MB21D2: variants seen among roughly 807,000 people sequenced by gnomAD.
MB21D2 encodes the protein nucleotidyltransferase MB21D2.
MB21D2 carries 9 observed loss-of-function variants against 33.3 expected under a neutral mutation model. That is an observed-to-expected ratio of 0.27 (90% confidence interval 0.16 to 0.47). MB21D2 has a LOEUF of 0.47. Ranked by LOEUF, MB21D2 falls within the 20% of genes least tolerant of loss-of-function variation. The pLI, the probability that MB21D2 is intolerant of heterozygous loss-of-function variation, is 0.99. For missense variants in MB21D2, 540 were observed against 624.6 expected (o/e 0.86, Z 1.44); for synonymous variants, 241 against 236.3 (o/e 1.02, Z -0.18).
chr3:192,877,810 T>C (rs1713464718), intron 1 of MB21D2, among the ~76,000 whole-genome samples: 1 of 152,184 alleles, frequency 6.6e-6, no homozygotes, highest in African/African-American at 2.4e-5. Context: ...TACTGCAGAC[T>C]GATATATGTG....
chr3:192,801,963 T>C (rs550288743), intron 1 of MB21D2, among the ~76,000 whole-genome samples: 1 of 152,358 alleles, frequency 6.6e-6, no homozygotes. Flanking sequence ...TTAGCCAACA[T>C]TATAGTGTCA....
intron 1 of MB21D2, among the ~76,000 whole-genome samples, chr3:192,836,239 C>G (rs1474577413): frequency 1.3e-5 from 2 of 152,092 alleles, no homozygotes; most frequent in East Asian, 3.9e-4. Context: ...GAAAATGGAC[C>G]AAATGTCTTT....
At chr3:192,893,393 A>C (rs1220753037) in intron 1 of MB21D2, among the ~76,000 whole-genome samples, 2 of 152,214 alleles carry the variant, frequency 1.3e-5, no homozygotes, top group Non-Finnish European at 2.9e-5. Flanking sequence ...TTTTGATATC[A>C]GTAAGAGGCA....
At chr3:192,887,453 T>C (rs1357949170) in intron 1 of MB21D2, among the ~76,000 whole-genome samples, 1 of 152,176 alleles carries the variant, frequency 6.6e-6, no homozygotes, top group Non-Finnish European at 1.5e-5. Context: ...TACTAAACTG[T>C]ACACTTAGAA....
intron 1 of MB21D2, among the ~76,000 whole-genome samples, chr3:192,857,889 C>T (rs1712952931): frequency 6.6e-6 from 1 of 152,154 alleles, no homozygotes; most frequent in Non-Finnish European, 1.5e-5. Flanking sequence ...CTTTGAGAGG[C>T]TGAGGAGGGT....
At chr3:192,903,301 T>C (rs1452194121) in intron 1 of MB21D2, among the ~76,000 whole-genome samples, 1 of 152,232 alleles carries the variant, frequency 6.6e-6, no homozygotes, top group East Asian at 1.9e-4. Context: ...GCATTCAGGA[T>C]GATCAAGTCC....
Position 192,885,147 on chromosome 3 carries a change from G to A in MB21D2, c.211+32483C>T, listed in dbSNP as rs923171469. On this transcript the variant is annotated intron_variant, in intron 1 of 1. Coordinates refer to ENST00000392452, the MANE Select transcript of MB21D2 (RefSeq NM_178496.4). ...AAAGACAGACTTCAAGCTATCTTCA[G>A]ATACCGGATGTGACTACATTGTAAG... 5.3e-5 allele frequency among the ~76,000 whole-genome samples: 8 copies of A among 152,058 alleles called. 1 individual carries two copies. In the South Asian group the frequency reaches 1.7e-3, roughly 31 times the overall value.
At chr3:192,812,574 T>G (rs913866355) in intron 1 of MB21D2, among the ~76,000 whole-genome samples, 3 of 152,136 alleles carry the variant, frequency 2.0e-5, no homozygotes, top group African/African-American at 7.2e-5. Context: ...TTGTGAGACA[T>G]GATGAAAGAC....
intron 1 of MB21D2, among the ~76,000 whole-genome samples, chr3:192,914,825 G>C (rs1223022223): frequency 6.6e-6 from 1 of 152,098 alleles, no homozygotes; most frequent in African/African-American, 2.4e-5. Flanking sequence ...ACCCTACTTT[G>C]ATAAGACAGT....
intron 1 of MB21D2, among the ~76,000 whole-genome samples, chr3:192,810,431 G>A (rs755056491): frequency 1.7e-4 from 24 of 144,388 alleles, no homozygotes; most frequent in Non-Finnish European, 3.3e-4. Flanking sequence ...ACAAACTATC[G>A]AATTTGCTAA....
intron 1 of MB21D2, among the ~76,000 whole-genome samples, chr3:192,818,360 C>A (rs958021757): frequency 6.6e-6 from 1 of 152,140 alleles, no homozygotes; most frequent in African/African-American, 2.4e-5. Flanking sequence ...AAAATGATGT[C>A]AGCACAATTA....
At chr3:192,884,542 A>ATT (rs11296156) in intron 1 of MB21D2, among the ~76,000 whole-genome samples, 2 of 150,710 alleles carry the variant, frequency 1.3e-5, no homozygotes, top group Non-Finnish European at 3.0e-5. Flanking sequence ...AATTTTTTGT[A>ATT]TTTTTTAGTA....
intron 1 of MB21D2, among the ~76,000 whole-genome samples, chr3:192,819,599 T>C (rs2108615683): frequency 6.6e-6 from 1 of 152,182 alleles, no homozygotes; most frequent in African/African-American, 2.4e-5. Context: ...GGAGAAAGGG[T>C]TAGAAAATCA....
At chr3:192,891,616 A>T (rs1713855478) in intron 1 of MB21D2, among the ~76,000 whole-genome samples, 1 of 152,120 alleles carries the variant, frequency 6.6e-6, no homozygotes, top group African/African-American at 2.4e-5. Context: ...GTTTAACATG[A>T]TGCCTGGCAC....
chr3:192,813,192 C>G (rs1417723643), intron 1 of MB21D2, among the ~76,000 whole-genome samples: 1 of 152,088 alleles, frequency 6.6e-6, no homozygotes, highest in Non-Finnish European at 1.5e-5. Context: ...TGAGCCAAGA[C>G]TGAAAGATGC....
At chr3:192,819,449 G>A (rs1340600666) in intron 1 of MB21D2, among the ~76,000 whole-genome samples, 1 of 151,900 alleles carries the variant, frequency 6.6e-6, no homozygotes, top group Non-Finnish European at 1.5e-5. Context: ...AAGATGAAGT[G>A]CAAGGAAAGA....
In MB21D2 at chr3:192,828,639, T is replaced by C. The variant is rs1343553369; in HGVS notation, c.212-28989A>G. On this transcript the variant is annotated intron_variant, in intron 1 of 1. Transcript: ENST00000392452. The stretch of plus-strand genomic sequence containing the variant: ...ATATATATATATATATATATATATA[T>C]ATATATATATATATATATATATATT... Among the ~76,000 whole-genome samples the C allele has an allele frequency of 1.9e-3, 66 of 34,362 alleles. 10 individuals are homozygous for C. The highest frequency in any genetic ancestry group is 7.8e-3 in the East Asian group (7 of 894). 22.5% of individuals were successfully genotyped at this position (34,362 alleles called of 152,430 possible). A position where few individuals can be genotyped will look rare whatever the true frequency, so the allele number is the denominator to read the frequency against.
rs191421885 is a variant in MB21D2 at position 192,837,090 on chromosome 3, A to G, written c.212-37440T>C. Among the ~76,000 whole-genome samples the G allele has an allele frequency of 1.9e-3, 283 of 152,244 alleles. 1 individual carries two copies. Among genetic ancestry groups the G allele is most frequent in the South Asian group, 0.016 (75 of 4,822 alleles). On this transcript the variant is annotated intron_variant, in intron 1 of 1. Coordinates refer to ENST00000392452, the MANE Select transcript of MB21D2 (RefSeq NM_178496.4). Reference sequence around the variant, plus strand: ...TCAGGATTATGACATTGAAGAACTAAAAAATACATGTTTAAAATATGCCCT... The same window carrying G: ...TCAGGATTATGACATTGAAGAACTAGAAAATACATGTTTAAAATATGCCCT...
chr3:192,820,354 A>G (rs1170396179), intron 1 of MB21D2, among the ~76,000 whole-genome samples: 1 of 152,210 alleles, frequency 6.6e-6, no homozygotes, highest in Non-Finnish European at 1.5e-5. Flanking sequence ...CTCCCCCGAG[A>G]TAACAACTTC....
Sources: gnomAD v4.1 joint callset for allele counts (sites outside exome capture counted in the v4.1 genomes callset) on GRCh38, gnomAD v4.1.1 for gene constraint, MANE v1.5 for transcripts, NCBI Gene and HGNC (gene_info 2026-07-23, HGNC 2026-07-21) for gene names.